The following LINGO2 variants were observed in gnomAD, a reference collection of about 807,000 sequenced individuals.
LINGO2 encodes the protein leucine rich repeat and Ig domain containing 2.
LINGO2 carries 14 observed loss-of-function variants against 30.6 expected under a neutral mutation model. That is an observed-to-expected ratio of 0.46 (90% CI 0.30 to 0.72). The LOEUF (loss-of-function observed/expected upper bound fraction) is 0.72, where lower values mean the gene tolerates loss of function less well. Ranked by LOEUF, LINGO2 falls within the 30% of genes least tolerant of loss-of-function variation. The pLI is 0.07. For missense variants in LINGO2, 729 were observed against 751.7 expected (o/e 0.97, Z 0.35); for synonymous variants, 317 against 288.5 (o/e 1.10, Z -1.00).
At chr9:28,206,554 T>G (rs1820416604) in intron 4 of LINGO2, among the ~76,000 whole-genome samples, 1 of 152,152 alleles carries the variant, frequency 6.6e-6, no homozygotes, top group Non-Finnish European at 1.5e-5. Context: ...TTATATTAAC[T>G]TATTTAATTT....
chr9:28,594,893 A>T (rs1397562774), intron 1 of LINGO2, among the ~76,000 whole-genome samples: 1 of 152,094 alleles, frequency 6.6e-6, no homozygotes, highest in Non-Finnish European at 1.5e-5. Context: ...CATGTGTGAA[A>T]TGGCACTGGA....
At chr9:28,856,603 GA>G in the LINGO2 span, among the ~76,000 whole-genome samples, 42 of 152,142 alleles carry the variant, frequency 2.8e-4, no homozygotes, top group South Asian at 6.2e-4. Flanking sequence ...CCTGAGACTA[GA>G]GGAAGGATAA....
the LINGO2 span, among the ~76,000 whole-genome samples, chr9:28,759,043 C>G: frequency 6.6e-6 from 1 of 151,996 alleles, no homozygotes; most frequent in Non-Finnish European, 1.5e-5. Context: ...TTTAACAATA[C>G]TTAAGGTGCT....
chr9:28,022,865 A>AG lies in LINGO2; in HGVS notation c.-86-10461_-86-10460insC, dbSNP rs1007387642. ...CTACAACTCTGGATGTTCTCTGCTGATTTTTTGTTTTGTTTTGTTTTTCAG... is the reference window on the plus strand; with the variant it reads ...CTACAACTCTGGATGTTCTCTGCTGAGTTTTTTGTTTTGTTTTGTTTTTCAG... On this transcript the variant is annotated intron_variant, in intron 4 of 5. Coordinates refer to ENST00000379992, the Ensembl canonical transcript of LINGO2. 3.5e-3 allele frequency among the ~76,000 whole-genome samples: 278 copies of AG among 80,190 alleles called. 1 individual carries two copies. Among genetic ancestry groups the AG allele is most frequent in the Admixed American group, 0.012 (84 of 6,774 alleles). 52.6% of individuals were successfully genotyped at this position (80,190 alleles called of 152,430 possible). A position where few individuals can be genotyped will look rare whatever the true frequency, so the allele number is the denominator to read the frequency against.
chr9:28,751,790 T>C, the LINGO2 span, among the ~76,000 whole-genome samples: 2 of 152,028 alleles, frequency 1.3e-5, no homozygotes, highest in Non-Finnish European at 2.9e-5. Flanking sequence ...CTAGCAAAGA[T>C]TTTATCGTAT....
chr9:28,181,268 G>A (rs1425031661), intron 4 of LINGO2, among the ~76,000 whole-genome samples: 1 of 152,168 alleles, frequency 6.6e-6, no homozygotes, highest in Non-Finnish European at 1.5e-5. Context: ...GCCAATAGGA[G>A]GGATGTATTC....
the LINGO2 span, among the ~76,000 whole-genome samples, chr9:29,078,398 T>C: frequency 6.6e-6 from 1 of 152,028 alleles, no homozygotes; most frequent in Non-Finnish European, 1.5e-5. Flanking sequence ...AAAAATCTTA[T>C]ATTTCATGTT....
the LINGO2 span, among the ~76,000 whole-genome samples, chr9:29,031,205 T>C: frequency 6.6e-6 from 1 of 152,098 alleles, no homozygotes; most frequent in East Asian, 1.9e-4. Flanking sequence ...CTTTTTCATG[T>C]TTGGTTCATA....
chr9:29,035,673 T>C, the LINGO2 span, among the ~76,000 whole-genome samples: 20 of 150,060 alleles, frequency 1.3e-4, no homozygotes, highest in Admixed American at 1.2e-3. Context: ...AATGGGGAAA[T>C]GGAGAAGAGA....
chr9:28,486,825 C>T (rs1037652170), intron 1 of LINGO2, among the ~76,000 whole-genome samples: 15 of 152,114 alleles, frequency 9.9e-5, no homozygotes, highest in African/African-American at 3.6e-4. Context: ...TATAAACTCA[C>T]AATCTATGAC....
chr9:29,073,755 C>G, the LINGO2 span, among the ~76,000 whole-genome samples: 1 of 152,172 alleles, frequency 6.6e-6, no homozygotes, highest in African/African-American at 2.4e-5. Context: ...TGTGGTTAAT[C>G]TTACTGGCTT....
At chr9:28,766,810 GAGAGAGAGAGAGAGAGA>G in the LINGO2 span, among the ~76,000 whole-genome samples, 5 of 21,686 alleles carry the variant, frequency 2.3e-4, no homozygotes, top group Admixed American at 2.1e-3. Flanking sequence ...GAGAGGGAAG[GAGAGAGAGAGAGAGAGA>G]GAAGGAGAGA....
chr9:28,557,283 C>G (rs1378276771), intron 1 of LINGO2, among the ~76,000 whole-genome samples: 1 of 151,894 alleles, frequency 6.6e-6, no homozygotes, highest in Admixed American at 6.6e-5. Context: ...CTACAATGAA[C>G]TCCAACAAAT....
chr9:28,506,495 C>T (rs374097605), intron 1 of LINGO2, among the ~76,000 whole-genome samples: 64,809 of 80,274 alleles, frequency 0.81, 26,502 homozygotes, highest in Middle Eastern at 0.89. Context: ...CATACACACA[C>T]ACACACAGAC....
intron 2 of LINGO2, among the ~76,000 whole-genome samples, chr9:28,474,345 G>C (rs16913173): frequency 6.6e-6 from 1 of 151,820 alleles, no homozygotes; most frequent in Non-Finnish European, 1.5e-5. Flanking sequence ...AACTGACAAG[G>C]TCTAGTCTCC....
chr9:29,138,172 A>G, the LINGO2 span, among the ~76,000 whole-genome samples: 1 of 152,028 alleles, frequency 6.6e-6, no homozygotes, highest in African/African-American at 2.4e-5. Flanking sequence ...AACTCTTCCA[A>G]AACTGGAACC....
the LINGO2 span, among the ~76,000 whole-genome samples, chr9:28,931,837 C>T: frequency 2.0e-5 from 3 of 149,914 alleles, no homozygotes; most frequent in East Asian, 2.0e-4. Flanking sequence ...GGGCTGGGTG[C>T]GGTGGCTCAT....
chr9:29,068,036 C>A, the LINGO2 span, among the ~76,000 whole-genome samples: 1 of 151,746 alleles, frequency 6.6e-6, no homozygotes, highest in Non-Finnish European at 1.5e-5. Context: ...TTGCATTCTG[C>A]ATCAAAATGA....
intron 1 of LINGO2, among the ~76,000 whole-genome samples, chr9:28,489,243 C>G (rs906451145): frequency 6.6e-6 from 1 of 152,102 alleles, no homozygotes; most frequent in Non-Finnish European, 1.5e-5. Flanking sequence ...TTCTACAATT[C>G]ACTGCAACCT....
Sources: gnomAD v4.1 joint callset for allele counts (sites outside exome capture counted in the v4.1 genomes callset) on GRCh38, gnomAD v4.1.1 for gene constraint, MANE v1.5 for transcripts, NCBI Gene and HGNC (gene_info 2026-07-23, HGNC 2026-07-21) for gene names.